The following ANKS1B variants were observed in gnomAD, a reference collection of about 807,000 sequenced individuals.
ANKS1B encodes the protein ankyrin repeat and sterile alpha motif domain containing 1B.
ANKS1B carries 36 observed loss-of-function variants against 148.3 expected under a neutral mutation model. That is an observed-to-expected ratio of 0.24 (90% CI 0.19 to 0.32). The LOEUF (loss-of-function observed/expected upper bound fraction) is 0.32. ANKS1B is among the 10% of genes least tolerant of loss of function. The pLI is 1.00. For synonymous variants in ANKS1B, 542 were observed against 560.8 expected (o/e 0.97, Z 0.47); for missense variants, 1,157 against 1,542.6 (o/e 0.75, Z 4.19).
chr12:98,783,790 G>A (rs1040590479), intron 22 of ANKS1B, among the ~76,000 whole-genome samples: 37 of 152,312 alleles, frequency 2.4e-4, no homozygotes, highest in African/African-American at 9.6e-5. Context: ...GTTAGGGTCC[G>A]TTGGAAGCTT....
chr12:98,805,092 G>A (rs1290435350), intron 20 of ANKS1B, among the ~76,000 whole-genome samples: 1 of 152,076 alleles, frequency 6.6e-6, no homozygotes, highest in Non-Finnish European at 1.5e-5. Flanking sequence ...TCTTTGAAAG[G>A]ATTCCTTAAG....
At chr12:99,788,125 C>A (rs546861235) in intron 4 of ANKS1B, among the ~76,000 whole-genome samples, 1 of 152,332 alleles carries the variant, frequency 6.6e-6, no homozygotes, top group Admixed American at 6.5e-5. Flanking sequence ...TGGCGCATGA[C>A]CTAGGGAGAC....
intron 9 of ANKS1B, among the ~76,000 whole-genome samples, chr12:99,647,186 G>T (rs912044197): frequency 6.6e-6 from 1 of 152,014 alleles, no homozygotes; most frequent in African/African-American, 2.4e-5. Flanking sequence ...CTATGAGTTT[G>T]AAATCAGTTT....
intron 17 of ANKS1B, among the ~76,000 whole-genome samples, chr12:98,844,529 T>C (rs1314594881): frequency 6.6e-6 from 1 of 152,204 alleles, no homozygotes; most frequent in Non-Finnish European, 1.5e-5. Context: ...TTATTGACTT[T>C]CTTTTTTTGA....
At chr12:98,968,966 TAC>T (rs1424793288) in intron 17 of ANKS1B, among the ~76,000 whole-genome samples, 1 of 152,234 alleles carries the variant, frequency 6.6e-6, no homozygotes, top group Non-Finnish European at 1.5e-5. Context: ...AAGTTTTCAG[TAC>T]AAGATGAAAA....
intron 8 of ANKS1B, among the ~76,000 whole-genome samples, chr12:99,681,572 G>C (rs1374920543): frequency 1.3e-5 from 2 of 152,124 alleles, no homozygotes; most frequent in Non-Finnish European, 2.9e-5. Context: ...TGGGTGGCTA[G>C]ACCCAGAAGA....
intron 16 of ANKS1B, among the ~76,000 whole-genome samples, chr12:99,063,736 C>T (rs1027494905): frequency 6.6e-6 from 1 of 152,130 alleles, no homozygotes; most frequent in East Asian, 1.9e-4. Context: ...TAGGAAGACA[C>T]CCTTTAAGGA....
intron 9 of ANKS1B, among the ~76,000 whole-genome samples, chr12:99,543,792 T>C (rs2097148808): frequency 6.6e-6 from 1 of 152,136 alleles, no homozygotes. Context: ...ATATGGCATA[T>C]GCAGAATAGA....
rs138828929 is a variant in ANKS1B at position 99,860,446 on chromosome 12, C to G, written c.135-35057G>C. Among the ~76,000 whole-genome samples the G allele has an allele frequency of 5.4e-4, 82 of 152,212 alleles. No individual in the cohort carries two copies. The East Asian group carries it at 9.5e-3, about 18-fold the overall frequency. On this transcript the variant is annotated intron_variant, in intron 1 of 26. Coordinates refer to ENST00000683438, the MANE Select transcript of ANKS1B (RefSeq NM_001352186.2). Reference sequence around the variant, plus strand: ...GGAGTTTGATGGGAGACAGGAAGAACAGAAAGGGATTTAATTCAGGGAAGA... The same window carrying G: ...GGAGTTTGATGGGAGACAGGAAGAAGAGAAAGGGATTTAATTCAGGGAAGA...
At chr12:99,767,660 T>G (rs2062780518) in intron 8 of ANKS1B, among the ~76,000 whole-genome samples, 1 of 152,114 alleles carries the variant, frequency 6.6e-6, no homozygotes, top group Non-Finnish European at 1.5e-5. Context: ...GATATTTATA[T>G]TTCTTCAAAA....
At chr12:99,419,204 G>T (rs1160598861) in intron 11 of ANKS1B, among the ~76,000 whole-genome samples, 1 of 151,996 alleles carries the variant, frequency 6.6e-6, no homozygotes, top group Non-Finnish European at 1.5e-5. Context: ...TTTAAATGTT[G>T]TTATAATTCT....
intron 8 of ANKS1B, among the ~76,000 whole-genome samples, chr12:99,715,657 C>T (rs1002073140): frequency 2.0e-5 from 3 of 152,140 alleles, no homozygotes; most frequent in Non-Finnish European, 4.4e-5. Flanking sequence ...CCCTGTCCTC[C>T]TGCTCTTTGC....
intron 12 of ANKS1B, among the ~76,000 whole-genome samples, chr12:99,362,201 T>A (rs993995378): frequency 6.6e-6 from 1 of 151,990 alleles, no homozygotes; most frequent in African/African-American, 2.4e-5. Flanking sequence ...CCTTAGCAAT[T>A]TTATCTATAC....
In ANKS1B at chr12:99,168,914, A is replaced by G. The variant is rs1601353074; in HGVS notation, c.2420-14519T>C. On this transcript the variant is annotated intron_variant, in intron 14 of 26. Transcript: ENST00000683438. ...TGAAAACTGTCATAACTGCATTAAA[A>G]TAAACCCATAATATTAGTTTAGGTA... is the stretch of plus-strand genomic sequence containing the variant. Among the ~76,000 whole-genome samples the G allele has an allele frequency of 2.0e-5, 3 of 152,238 alleles. No individual in the cohort carries two copies. In the South Asian group the frequency reaches 6.2e-4, roughly 32 times the overall value.
intron 17 of ANKS1B, among the ~76,000 whole-genome samples, chr12:98,936,988 A>C (rs2152992978): frequency 6.6e-6 from 1 of 152,242 alleles, no homozygotes; most frequent in Admixed American, 6.5e-5. Flanking sequence ...TGACCCAGTG[A>C]GTTACTCTGT....
At chr12:99,802,505 T>A (rs568992642) in intron 4 of ANKS1B, among the ~76,000 whole-genome samples, 15 of 152,354 alleles carry the variant, frequency 9.8e-5, no homozygotes, top group Non-Finnish European at 1.9e-4. Flanking sequence ...ATATGAAATT[T>A]GCCCAAAGTA....
chr12:99,639,359 C>A (rs2098277997), intron 9 of ANKS1B, among the ~76,000 whole-genome samples: 1 of 152,242 alleles, frequency 6.6e-6, no homozygotes, highest in South Asian at 2.1e-4. Flanking sequence ...AAGAAACTTG[C>A]CTTGTCTCAG....
intron 1 of ANKS1B, among the ~76,000 whole-genome samples, chr12:99,941,186 G>A (rs980229397): frequency 1.3e-5 from 2 of 152,032 alleles, no homozygotes; most frequent in African/African-American, 2.4e-5. Context: ...ATAGAAGACA[G>A]GGACATGAAG....
At chr12:99,126,692 T>G in intron 15 of ANKS1B, among the ~76,000 whole-genome samples, 1 of 152,244 alleles carries the variant, frequency 6.6e-6, no homozygotes, top group East Asian at 1.9e-4. Flanking sequence ...TTTTTAATTT[T>G]CTTTGCACTC....
Sources: gnomAD v4.1 joint callset for allele counts (sites outside exome capture counted in the v4.1 genomes callset) on GRCh38, gnomAD v4.1.1 for gene constraint, MANE v1.5 for transcripts, NCBI Gene and HGNC (gene_info 2026-07-23, HGNC 2026-07-21) for gene names.